Variants in PTPRD observed in about 807,000 individuals in gnomAD.
PTPRD encodes protein tyrosine phosphatase receptor type D.
A neutral mutation model predicts 214.5 loss-of-function variants in PTPRD; 34 were observed. That is an observed-to-expected ratio of 0.16 (90% confidence interval 0.12 to 0.21). The LOEUF (loss-of-function observed/expected upper bound fraction) is 0.21, where lower values mean the gene tolerates loss of function less well. Among genes scored for constraint, PTPRD ranks in the 10% least tolerant of loss-of-function variants. The pLI, the probability that PTPRD is intolerant of heterozygous loss-of-function variation, is 1.00. For synonymous variants in PTPRD, 1,128 were observed against 845.7 expected (o/e 1.33, Z -5.79); for missense variants, 2,545 against 2,398.7 (o/e 1.06, Z -1.27).
chr9:9,361,057 T>C (rs372535085), intron 9 of PTPRD, among the ~76,000 whole-genome samples: 1 of 151,128 alleles, frequency 6.6e-6, no homozygotes, highest in African/African-American at 2.4e-5. Flanking sequence ...ATATTGCATA[T>C]AAAGGGATAA....
At chr9:10,230,791 A>G (rs529787219) in intron 3 of PTPRD, among the ~76,000 whole-genome samples, 35 of 152,124 alleles carry the variant, frequency 2.3e-4, no homozygotes, top group African/African-American at 7.5e-4. Context: ...GTTCTCTACC[A>G]TTGTTACTTA....
intron 37 of PTPRD, among the ~76,000 whole-genome samples, chr9:8,378,118 C>G (rs575866217): frequency 6.6e-6 from 1 of 152,098 alleles, no homozygotes; most frequent in Non-Finnish European, 1.5e-5. Flanking sequence ...TGAAAACAAA[C>G]AAAAATTGTC....
chr9:9,170,990 C>T (rs902826059), intron 10 of PTPRD, among the ~76,000 whole-genome samples: 4 of 152,180 alleles, frequency 2.6e-5, no homozygotes, highest in Non-Finnish European at 5.9e-5. Flanking sequence ...GGCTCCTCTA[C>T]ATCATAGGCC....
chr9:10,507,396 G>T lies in PTPRD; in HGVS notation c.-600+105002C>A, dbSNP rs188315247. On this transcript the variant is annotated intron_variant, in intron 2 of 45. Transcript: ENST00000381196. ...GCCCAAGGTAATTTATAGATTCAAT[G>T]CCATCCCCATCAAGCTACCAATGAC... Among the ~76,000 whole-genome samples, 1,170 of 152,206 alleles carry T rather than the reference G, an allele frequency of 7.7e-3. 19 individuals are homozygous for T. The highest frequency in any genetic ancestry group is 0.027 in the African/African-American group (1,120 of 41,514).
chr9:8,367,329 A>G (rs2080193857), intron 39 of PTPRD, among the ~76,000 whole-genome samples: 1 of 152,064 alleles, frequency 6.6e-6, no homozygotes. Flanking sequence ...AGTGGTTTTC[A>G]TGTAGGGGCG....
At chr9:8,359,143 A>AAAAAAAC (rs2077790085) in intron 39 of PTPRD, among the ~76,000 whole-genome samples, 1 of 136,848 alleles carries the variant, frequency 7.3e-6, no homozygotes, top group African/African-American at 2.7e-5. Flanking sequence ...AAAAAACAAA[A>AAAAAAAC]AAAAATTGAA....
chr9:8,758,749 T>A (rs1463333475), intron 11 of PTPRD, among the ~76,000 whole-genome samples: 2 of 151,424 alleles, frequency 1.3e-5, no homozygotes, highest in Non-Finnish European at 2.9e-5. Flanking sequence ...GAACGAGATA[T>A]TAGAAAATAA....
At chr9:10,276,334 C>T (rs1196661612) in intron 3 of PTPRD, among the ~76,000 whole-genome samples, 1 of 152,094 alleles carries the variant, frequency 6.6e-6, no homozygotes, top group African/African-American at 2.4e-5. Flanking sequence ...TCTTTGATGC[C>T]CCTATTATTT....
intron 6 of PTPRD, among the ~76,000 whole-genome samples, chr9:9,757,356 T>G (rs1019071304): frequency 6.6e-6 from 1 of 152,182 alleles, no homozygotes; most frequent in Admixed American, 6.5e-5. Context: ...CATTGGCATC[T>G]GCAATTTTTA....
chr9:9,118,725 G>C (rs1236580302), intron 10 of PTPRD, among the ~76,000 whole-genome samples: 1 of 152,144 alleles, frequency 6.6e-6, no homozygotes, highest in Non-Finnish European at 1.5e-5. Flanking sequence ...AACAAATAAG[G>C]TGACTAAAAA....
At chr9:9,998,100 G>C (rs1376410074) in intron 4 of PTPRD, among the ~76,000 whole-genome samples, 1 of 100,518 alleles carries the variant, frequency 9.9e-6, no homozygotes, top group Non-Finnish European at 1.8e-5. Context: ...ATGTACCCTA[G>C]AACTTAAAGT....
chr9:9,799,242 G>A (rs942435959), intron 5 of PTPRD, among the ~76,000 whole-genome samples: 1 of 152,122 alleles, frequency 6.6e-6, no homozygotes, highest in Non-Finnish European at 1.5e-5. Flanking sequence ...GAGATAATAT[G>A]TTTTGGAAGG....
chr9:10,269,002 T>C (rs1311807294), intron 3 of PTPRD, among the ~76,000 whole-genome samples: 1 of 152,150 alleles, frequency 6.6e-6, no homozygotes. Flanking sequence ...ATCAAAAATA[T>C]CTCCAGCCAC....
At chr9:8,463,877 A>G (rs1565009529) in intron 32 of PTPRD, among the ~76,000 whole-genome samples, 2 of 151,926 alleles carry the variant, frequency 1.3e-5, no homozygotes. Flanking sequence ...AGGCTTTATT[A>G]CTGCAAAATG....
intron 9 of PTPRD, among the ~76,000 whole-genome samples, chr9:9,191,730 A>G (rs919792005): frequency 3.3e-5 from 5 of 152,114 alleles, no homozygotes; most frequent in African/African-American, 4.8e-5. Flanking sequence ...TTAAGAATCA[A>G]GTTTATACTT....
intron 3 of PTPRD, among the ~76,000 whole-genome samples, chr9:10,266,857 A>T (rs1296326037): frequency 1.3e-5 from 2 of 152,174 alleles, no homozygotes; most frequent in Non-Finnish European, 2.9e-5. Context: ...TATTGTCAGA[A>T]AACTTCATGA....
intron 42 of PTPRD, among the ~76,000 whole-genome samples, chr9:8,339,847 A>AC (rs1850781508): frequency 6.6e-6 from 1 of 151,130 alleles, no homozygotes; most frequent in Non-Finnish European, 1.5e-5. Context: ...AAAAAAAACA[A>AC]ACCACTTTTT....
intron 12 of PTPRD, among the ~76,000 whole-genome samples, chr9:8,640,180 C>G (rs901471116): frequency 7.9e-5 from 12 of 152,132 alleles, no homozygotes; most frequent in Non-Finnish European, 1.0e-4. Flanking sequence ...CCTCCCGCCT[C>G]AGCCTTACAA....
At chr9:10,098,418 C>T (rs1487107608) in intron 3 of PTPRD, among the ~76,000 whole-genome samples, 1 of 151,500 alleles carries the variant, frequency 6.6e-6, no homozygotes, top group Non-Finnish European at 1.5e-5. Context: ...GTGTGCAGCA[C>T]ACCAACATGG....
Sources: allele counts gnomAD v4.1 joint callset (sites outside exome capture counted in the v4.1 genomes callset), GRCh38; gene constraint gnomAD v4.1.1; transcripts MANE v1.5; gene names NCBI Gene and HGNC (gene_info 2026-07-23, HGNC 2026-07-21).